Variants in KCNK17 observed in about 807,000 individuals in gnomAD.
The protein encoded by KCNK17 is potassium channel subfamily K member 17.
KCNK17 carries 27 observed loss-of-function variants against 24.6 expected under a neutral mutation model. The observed-to-expected ratio is 1.10, with a 90% confidence interval of 0.81 to 1.51. The LOEUF (loss-of-function observed/expected upper bound fraction) is 1.51. Ranked by LOEUF, KCNK17 falls within the 40% of genes most tolerant of loss-of-function variation. The pLI is 0.00. For synonymous variants in KCNK17, 181 were observed against 189.8 expected (o/e 0.95, Z 0.38); for missense variants, 450 against 436.6 (o/e 1.03, Z -0.27).
At chr6:39,301,159 G>T (rs1761945548) in intron 4 of KCNK17, among the ~76,000 whole-genome samples, 1 of 152,192 alleles carries the variant, frequency 6.6e-6, no homozygotes, top group Admixed American at 6.5e-5. Context: ...GGGGACTGAT[G>T]GGAGCTGCTG....
Position 39,299,316 on chromosome 6 carries a change from C to T in KCNK17, c.*111G>A. On this transcript the variant is annotated 3_prime_UTR_variant, in exon 5 of 5. Transcript: ENST00000373231. Reference sequence around the variant, plus strand: ...GGGCAGAATTAATCATATAGCTGCACCCAGCCTCTAGGGTGGATGGAAAAT... The same window carrying T: ...GGGCAGAATTAATCATATAGCTGCATCCAGCCTCTAGGGTGGATGGAAAAT... 2 of 793,166 alleles carry T rather than the reference C, an allele frequency of 2.5e-6. No individual in the cohort carries two copies. Among genetic ancestry groups the T allele is most frequent in the Non-Finnish European group, 2.0e-6 (1 of 499,602 alleles). The allele number at this position is 793,166 out of a possible 1,614,324, so 49.1% of individuals were successfully genotyped here.
chr6:39,299,332 G>T lies in KCNK17; in HGVS notation c.*95C>A. On this transcript the variant is annotated 3_prime_UTR_variant, in exon 5 of 5. Coordinates refer to ENST00000373231, the MANE Select transcript of KCNK17 (RefSeq NM_031460.4). The stretch of plus-strand genomic sequence containing the variant: ...ATAGCTGCACCCAGCCTCTAGGGTG[G>T]ATGGAAAATGTAGTCTTTAGTTTGG... The T allele has an allele frequency of 1.1e-6, 1 of 930,916 alleles. No homozygotes were observed. The allele number at this position is 930,916 out of a possible 1,614,324, so 57.7% of individuals were successfully genotyped here.
Position 39,304,110 on chromosome 6 carries a change from G to T in KCNK17, c.535C>A (p.Leu179Met), listed in dbSNP as rs754942090. The change falls in exon 4 of 5, where the codon CTG (leucine) becomes ATG (methionine). Residue 179 changes from leucine (L) to methionine (M), a missense_variant. Leu to Met is a conservative substitution (Grantham distance 15). Transcript: ENST00000373231. The part of the protein sequence containing the change: ...TWQDPDKARW[L>M]AGSGALLSGL... ...GAGAGGAGGGCGCCAGAGCCCGCCAGCCACCGCGCCTTGTCAGGATCCTGT... is the reference window on the plus strand; with the variant it reads ...GAGAGGAGGGCGCCAGAGCCCGCCATCCACCGCGCCTTGTCAGGATCCTGT... The T allele has an allele frequency of 5.6e-6, 9 of 1,609,778 alleles. No individual in the cohort carries two copies. Among genetic ancestry groups the T allele is most frequent in the Non-Finnish European group, 4.2e-6 (5 of 1,179,938 alleles).
chr6:39,299,719 C>T lies in KCNK17; in HGVS notation c.707G>A (p.Arg236Lys), dbSNP rs535450198. The T allele has an allele frequency of 3.1e-6, 5 of 1,613,658 alleles. No homozygotes were observed. In the East Asian group the frequency reaches 8.9e-5, roughly 29 times the overall value. ...DYVIGMNPSQ[R>K]YPLWYKNMVS... ...CATGTTCTTGTACCACAGTGGGTAC[C>T]TCTGGGAGGGGTTCATTCCTGGGGA... is the stretch of plus-strand genomic sequence containing the variant. Residue 236 changes from arginine to lysine, a missense_variant, in exon 5 of 5, where the codon AGG becomes AAG. Arg to Lys is a conservative substitution (Grantham distance 26). Coordinates refer to ENST00000373231, the MANE Select transcript of KCNK17 (RefSeq NM_031460.4).
intron 2 of KCNK17, among the ~76,000 whole-genome samples, chr6:39,305,361 T>C (rs1762016988): frequency 6.6e-6 from 1 of 152,204 alleles, no homozygotes; most frequent in East Asian, 1.9e-4. Context: ...AATATATCTC[T>C]TGCGCATCTA....
intron 4 of KCNK17, 95 bp from the exon 5 acceptor site, chr6:39,299,832 G>T: frequency 7.7e-7 from 1 of 1,305,194 alleles, no homozygotes; most frequent in South Asian, 1.4e-5. Context: ...ATTCATATAA[G>T]CAAGTTGAGG....
At position 39,299,509 on chromosome 6, in the gene KCNK17, C is replaced by A. The variant is rs1761912772; in HGVS notation, c.917G>T (p.Gly306Val). 1.2e-6 allele frequency: 2 copies of A among 1,614,216 alleles called. No homozygotes were observed. The change falls in exon 5 of 5, where the codon GGA becomes GTA. Residue 306 changes from glycine to valine, a missense_variant. Physicochemically the swap from Gly to Val is moderately radical, Grantham distance 109. Coordinates refer to ENST00000373231, the MANE Select transcript of KCNK17 (RefSeq NM_031460.4). ...TCCCATGGGTCCCTCTGGATAGCAT[C>A]CTTGCTGTGGGGAGTGGGACTCTGG... Reference protein sequence around the residue: ...REPESHSPQQGCYPEGPMGII... With the variant: ...REPESHSPQQVCYPEGPMGII...
chr6:39,304,475 C>A lies in KCNK17; in HGVS notation c.513+20G>T, dbSNP rs41273128. The A allele has an allele frequency of 3.3e-5, 53 of 1,604,512 alleles. No homozygotes were observed. Among genetic ancestry groups the A allele is most frequent in the Admixed American group, 5.0e-5 (3 of 59,924 alleles). On this transcript the variant is annotated intron_variant, in intron 3 of 4. Transcript: ENST00000373231. ...ATTCTAGAAGTGACCCATCCCCACC[C>A]CGTCCAGCAGCCCCCTCACCTGCCA...
intron 4 of KCNK17, chr6:39,300,460 G>A (rs907642343): frequency 9.7e-6 from 15 of 1,546,732 alleles, no homozygotes; most frequent in Admixed American, 3.9e-5. Context: ...AGAGGATTTC[G>A]ATGTCCGCTC....
chr6:39,300,613 C>T, intron 4 of KCNK17: 1 of 1,324,928 alleles, frequency 7.5e-7, no homozygotes, highest in Non-Finnish European at 1.1e-6. Context: ...ACCTCCTTCA[C>T]CTGTGAGATG....
chr6:39,304,474 C>A (rs774929127), intron 3 of KCNK17, 21 bp downstream of exon 3: 53 of 1,603,540 alleles, frequency 3.3e-5, no homozygotes, highest in Admixed American at 5.0e-5. Context: ...CCATCCCCAC[C>A]CCGTCCAGCA....
At position 39,300,419 on chromosome 6, in the gene KCNK17, C is replaced by T. The variant is rs1014090775; in HGVS notation, c.689-682G>A. ...AATTACAGGTGTGAGCCACCGTGCC[C>T]GGCCAGAAATCTGTATTTTAACAAG... is the stretch of plus-strand genomic sequence containing the variant. On this transcript the variant is annotated intron_variant, in intron 4 of 4. Transcript: ENST00000373231. The T allele has an allele frequency of 4.3e-5, 62 of 1,451,570 alleles. No homozygotes were observed. In the African/African-American group the frequency reaches 4.4e-4, roughly 10 times the overall value. 89.9% of individuals were successfully genotyped at this position (1,451,570 alleles called of 1,614,324 possible).
rs370997625 is a variant in KCNK17 at position 39,311,017 on chromosome 6, A to T, written c.238-10T>A. The T allele has an allele frequency of 6.3e-7, 1 of 1,578,796 alleles. No homozygotes were observed. Among genetic ancestry groups the T allele is most frequent in the Non-Finnish European group, 8.7e-7 (1 of 1,154,048 alleles). ...ATGCTTGGACGACATCCTGGGGAAGAGGCTGCAATGACCACCAGGCTCTGT... is the reference window on the plus strand; with the variant it reads ...ATGCTTGGACGACATCCTGGGGAAGTGGCTGCAATGACCACCAGGCTCTGT... On this transcript the variant is annotated splice_polypyrimidine_tract_variant and intron_variant, in intron 1 of 4. Transcript: ENST00000373231.
Position 39,304,669 on chromosome 6 carries a change from G to A in KCNK17, c.353-14C>T. On this transcript the variant is annotated splice_polypyrimidine_tract_variant and intron_variant, in intron 2 of 4. Coordinates refer to ENST00000373231, the MANE Select transcript of KCNK17 (RefSeq NM_031460.4). The stretch of plus-strand genomic sequence containing the variant: ...GGTTGCCATAGCCTGAGGTGAGAGG[G>A]GGCACTCAGGGGACATTTCCAGCCC... The A allele has an allele frequency of 1.2e-6, 2 of 1,603,128 alleles. No individual in the cohort carries two copies. The highest frequency in any genetic ancestry group is 1.7e-6 in the Non-Finnish European group (2 of 1,170,964).
intron 2 of KCNK17, 35 bp downstream of exon 2, chr6:39,310,858 C>T: frequency 8.6e-7 from 1 of 1,163,676 alleles, no homozygotes; most frequent in Non-Finnish European, 1.2e-6. Flanking sequence ...CCTCCTTCCC[C>T]CACCCCCATC....
rs1473069186 is a variant in KCNK17, at chr6:39,299,058, C to T, written c.*369G>A. 2.8e-5 allele frequency: 6 copies of T among 215,036 alleles called. No homozygotes were observed. The highest frequency in any genetic ancestry group is 4.7e-5 in the Non-Finnish European group (5 of 107,324). 13.3% of individuals were successfully genotyped at this position (215,036 alleles called of 1,614,324 possible). A position where few individuals can be genotyped will look rare whatever the true frequency, so the allele number is the denominator to read the frequency against. Reference sequence around the variant, plus strand: ...CACATAAAGGAGGTCGGGTGATATTCCGTTTGTTAGGATGGCTCTGTGATC... The same window carrying T: ...CACATAAAGGAGGTCGGGTGATATTTCGTTTGTTAGGATGGCTCTGTGATC... On this transcript the variant is annotated 3_prime_UTR_variant, in exon 5 of 5. Coordinates refer to ENST00000373231, the MANE Select transcript of KCNK17 (RefSeq NM_031460.4).
In KCNK17 at chr6:39,314,228, A is replaced by G. The variant is rs1228130539; in HGVS notation, c.93T>C (p.Ala31=). ...STVLLLLAYL[A]YLALGTGVFW... ...ACACGCCGGTGCCCAGCGCCAGGTA[A>G]GCCAGGTAGGCGAGCAGCAGGAGCA... Residue 31 remains alanine (A), a synonymous_variant, in exon 1 of 5, where the codon GCT becomes GCC. Transcript: ENST00000373231. The G allele has an allele frequency of 6.5e-7, 1 of 1,539,540 alleles. No homozygotes were observed.
chr6:39,307,602 G>A lies in KCNK17; in HGVS notation c.353-2947C>T, dbSNP rs558441003. Among the ~76,000 whole-genome samples, 12 of 152,268 alleles carry A rather than the reference G, an allele frequency of 7.9e-5. No homozygotes were observed. The South Asian group carries it at 1.2e-3, about 16-fold the overall frequency. ...GAGGAGCCCCATGGAGGCCTGCAGCGTTCTCAGGCTGACATTAAATGGGTT... is the reference window on the plus strand; with the variant it reads ...GAGGAGCCCCATGGAGGCCTGCAGCATTCTCAGGCTGACATTAAATGGGTT... On this transcript the variant is annotated intron_variant, in intron 2 of 4. Transcript: ENST00000373231.
intron 2 of KCNK17, 121 bp downstream of exon 2, chr6:39,310,772 T>C: frequency 1.6e-6 from 1 of 641,450 alleles, no homozygotes; most frequent in Non-Finnish European, 2.7e-6. Flanking sequence ...GCTGCAGAGC[T>C]GAACTGCACT....
Sources: gnomAD v4.1 joint callset for allele counts (sites outside exome capture counted in the v4.1 genomes callset) on GRCh38, gnomAD v4.1.1 for gene constraint, MANE v1.5 for transcripts, NCBI Gene and HGNC (gene_info 2026-07-23, HGNC 2026-07-21) for gene names.